GREB1: variants seen among roughly 807,000 people sequenced by gnomAD.
The protein encoded by GREB1 is growth regulating estrogen receptor binding 1.
GREB1 carries 106 observed loss-of-function variants against 200.7 expected under a neutral mutation model. The ratio of observed to expected loss-of-function variants is 0.53; its 90% CI spans 0.45 to 0.62. The LOEUF is 0.62. GREB1 is among the 20% of genes least tolerant of loss of function. GREB1 has a pLI of 0.00. For missense variants in GREB1, 2,243 were observed against 2,556.8 expected (o/e 0.88, Z 2.65); for synonymous variants, 1,132 against 1,092.4 (o/e 1.04, Z -0.72).
At position 11,637,817 on chromosome 2, in the gene GREB1, G is replaced by A. The variant is rs769618270; in HGVS notation, c.5448G>A (p.Lys1816=). Residue 1816 remains lysine (K), a synonymous_variant, in exon 31 of 33, where the codon AAG becomes AAA. Coordinates refer to ENST00000381486, the MANE Select transcript of GREB1 (RefSeq NM_014668.4). ...CGCCCGCCCAGCTCCTGCTGGAGAA[G>A]TTCCTGCAGCACCACAGCCACCTCT... The part of the protein sequence containing the change: ...LAAPAQLLLE[K]FLQHHSHLFF... 8.1e-6 allele frequency: 13 copies of A among 1,614,186 alleles called. No homozygotes were observed. The highest frequency in any genetic ancestry group is 1.6e-4 in the Middle Eastern group (1 of 6,062).
At position 11,618,806 on chromosome 2, in the gene GREB1, T is replaced by C. The variant is rs780900887; in HGVS notation, c.3931T>C (p.Tyr1311His). 1.9e-6 allele frequency: 3 copies of C among 1,609,098 alleles called. No individual in the cohort carries two copies. Among genetic ancestry groups the C allele is most frequent in the Non-Finnish European group, 2.5e-6 (3 of 1,179,750 alleles). ...CATGACATCCACCGAGCAGTCCCTCTACTACCGGCAGTGGACGGTGCCCCG... is the reference window on the plus strand; with the variant it reads ...CATGACATCCACCGAGCAGTCCCTCCACTACCGGCAGTGGACGGTGCCCCG... Reference protein sequence around the residue: ...KTMTSTEQSLYYRQWTVPRPS... With the variant: ...KTMTSTEQSLHYRQWTVPRPS... The change falls in exon 22 of 33, where the codon TAC becomes CAC. Residue 1311 changes from tyrosine to histidine, a missense_variant. Physicochemically the swap from Tyr to His is moderately conservative, Grantham distance 83. Around this residue, in one of 3 missense-constraint regions of GREB1, gnomAD observed 587 missense variants for 553.1 expected, o/e 1.06. Coordinates refer to ENST00000381486, the MANE Select transcript of GREB1 (RefSeq NM_014668.4).
chr2:11,596,774 AG>A (rs1262844391), intron 13 of GREB1, among the ~76,000 whole-genome samples: 114 of 20,910 alleles, frequency 5.5e-3, no homozygotes, highest in Non-Finnish European at 8.0e-3. Flanking sequence ...GTACACAGTG[AG>A]GGGGGTGGGG....
intron 30 of GREB1, among the ~76,000 whole-genome samples, 161 bp downstream of exon 30, chr2:11,635,566 G>A (rs1191662555): frequency 1.3e-5 from 2 of 152,218 alleles, no homozygotes; most frequent in African/African-American, 4.8e-5. Flanking sequence ...TCGGCATTGA[G>A]CCCTGGGAAA....
At chr2:11,636,584 G>A (rs962991305) in intron 30 of GREB1, among the ~76,000 whole-genome samples, 4 of 152,238 alleles carry the variant, frequency 2.6e-5, no homozygotes, top group Non-Finnish European at 5.9e-5. Context: ...TAGACACATG[G>A]CTAGTTAAGG....
At chr2:11,614,546 C>T (rs1001527276) in intron 19 of GREB1, among the ~76,000 whole-genome samples, 1 of 151,592 alleles carries the variant, frequency 6.6e-6, no homozygotes, top group Non-Finnish European at 1.5e-5. Flanking sequence ...TCAAGCCCCC[C>T]CTTTTTGTTG....
intron 1 of GREB1, among the ~76,000 whole-genome samples, chr2:11,541,923 A>G (rs886079496): frequency 1.4e-4 from 22 of 152,190 alleles, no homozygotes; most frequent in Non-Finnish European, 1.5e-5. Context: ...CTTTTCAGAC[A>G]GCAAACCTGT....
At chr2:11,636,761 A>AGGGCAG (rs143153422) in intron 30 of GREB1, among the ~76,000 whole-genome samples, 21 of 124,204 alleles carry the variant, frequency 1.7e-4, no homozygotes, top group Admixed American at 7.7e-4. Context: ...GGCAGGGGCA[A>AGGGCAG]GGGCAGGGGC....
At chr2:11,578,129 C>A (rs1054247757) in intron 5 of GREB1, among the ~76,000 whole-genome samples, 168 bp from the exon 6 acceptor site, 1 of 152,214 alleles carries the variant, frequency 6.6e-6, no homozygotes, top group Non-Finnish European at 1.5e-5. Flanking sequence ...TAGAGAGTCG[C>A]ACCCCTGCCC....
intron 1 of GREB1, among the ~76,000 whole-genome samples, chr2:11,500,166 T>G (rs1672991007): frequency 6.6e-6 from 1 of 151,654 alleles, no homozygotes; most frequent in African/African-American, 2.4e-5. Context: ...AAACTTTTAT[T>G]TATTTATTTA....
At position 11,615,093 on chromosome 2, in the gene GREB1, C is replaced by G. The variant is rs1464443588; in HGVS notation, c.3125C>G (p.Ser1042Cys). 1.2e-6 allele frequency: 2 copies of G among 1,612,600 alleles called. No homozygotes were observed. Among genetic ancestry groups the G allele is most frequent in the Non-Finnish European group, 1.7e-6 (2 of 1,178,708 alleles). The change falls in exon 20 of 33, where the codon TCT becomes TGT. Residue 1042 changes from serine to cysteine, a missense_variant and splice_region_variant. Physicochemically the swap from Ser to Cys is moderately radical, Grantham distance 112 (BLOSUM62 -1). Coordinates refer to ENST00000381486, the MANE Select transcript of GREB1 (RefSeq NM_014668.4). Reference sequence around the variant, plus strand: ...CACCTTCTTCTGTGTCTTGCTAGGTCTTTGAGGTACTGTGACCTGCGATTG... The same window carrying G: ...CACCTTCTTCTGTGTCTTGCTAGGTGTTTGAGGTACTGTGACCTGCGATTG... ...MDPHGESLPR[S>C]LRYCDLRLIN...
In GREB1 at chr2:11,585,913, C is replaced by T. The variant is rs1418308442; in HGVS notation, c.1159+8C>T. 1 of 1,611,748 alleles carries T rather than the reference C, an allele frequency of 6.2e-7. No individual in the cohort carries two copies. The highest frequency in any genetic ancestry group is 8.5e-7 in the Non-Finnish European group (1 of 1,179,704). The stretch of plus-strand genomic sequence containing the variant: ...AGCCAGTGATATTTAAAGGCAAGTA[C>T]AGCAGTGCACCGAGTCGTGGGGATG... On this transcript the variant is annotated splice_region_variant and intron_variant, in intron 9 of 32. Coordinates refer to ENST00000381486, the MANE Select transcript of GREB1 (RefSeq NM_014668.4).
chr2:11,615,269 G>C lies in GREB1; in HGVS notation c.3301G>C (p.Asp1101His), dbSNP rs759627001. Residue 1101 changes from aspartate to histidine, a missense_variant, in exon 20 of 33, where the codon GAT becomes CAT. Physicochemically the swap from Asp to His is moderately conservative, Grantham distance 81 (BLOSUM62 -1). Coordinates refer to ENST00000381486, the MANE Select transcript of GREB1 (RefSeq NM_014668.4). ...GAAGCTGAGCAGCACAGACAACGAG[G>C]ATGAGGAGCTGGGGACAGAAGGTGA... ...AEKLSSTDNE[D>H]EELGTEGSTS... The C allele has an allele frequency of 6.3e-7, 1 of 1,597,130 alleles. No homozygotes were observed. The highest frequency in any genetic ancestry group is 8.5e-7 in the Non-Finnish European group (1 of 1,171,112).
At chr2:11,525,850 C>A (rs1558501771) in intron 1 of GREB1, among the ~76,000 whole-genome samples, 1 of 152,202 alleles carries the variant, frequency 6.6e-6, no homozygotes, top group Non-Finnish European at 1.5e-5. Context: ...CCTGCCTGGA[C>A]TCTCAGCATC....
chr2:11,618,776 A>G lies in GREB1; in HGVS notation c.3901A>G (p.Lys1301Glu). ...WASSFRPLLS[K>E]TMTSTEQSLY... ...CAGCTCTTTCCGCCCCCTGCTCAGC[A>G]AGACCATGACATCCACCGAGCAGTC... The change falls in exon 22 of 33, where the codon AAG (lysine) becomes GAG (glutamate). Residue 1301 changes from lysine (K) to glutamate (E), a missense_variant. Transcript: ENST00000381486. 5.0e-6 allele frequency: 8 copies of G among 1,612,496 alleles called. No individual in the cohort carries two copies. Among genetic ancestry groups the G allele is most frequent in the Non-Finnish European group, 6.8e-6 (8 of 1,179,910 alleles).
chr2:11,633,521 G>A lies in GREB1; in HGVS notation c.4991+458G>A, dbSNP rs912087975. ...GGAGCTTGTAGTAAGTGGAGATGGC[G>A]CCACTGCACTCCAGCCTGGCAGACA... On this transcript the variant is annotated intron_variant, in intron 28 of 32. Coordinates refer to ENST00000381486, the MANE Select transcript of GREB1 (RefSeq NM_014668.4). This position sits in a 1 kb window ranked among gnomAD's most constrained non-coding sequence, Gnocchi z 4.1. 2.2e-4 allele frequency among the ~76,000 whole-genome samples: 33 copies of A among 150,172 alleles called. No individual in the cohort carries two copies. Among genetic ancestry groups the A allele is most frequent in the African/African-American group, 7.8e-4 (32 of 40,812 alleles).
intron 32 of GREB1, among the ~76,000 whole-genome samples, chr2:11,639,263 A>C (rs954543593): frequency 1.3e-5 from 2 of 151,930 alleles, no homozygotes; most frequent in African/African-American, 4.8e-5. Context: ...CTAATTTTTT[A>C]TTTTTAGTAG....
At chr2:11,605,385 C>A (rs935644451) in intron 17 of GREB1, among the ~76,000 whole-genome samples, 3 of 151,784 alleles carry the variant, frequency 2.0e-5, no homozygotes, top group African/African-American at 7.3e-5. Flanking sequence ...GCCACCACGG[C>A]CAGCTGATTT....
chr2:11,581,128 TG>T, intron 7 of GREB1: 1 of 603,092 alleles, frequency 1.7e-6, no homozygotes, highest in Non-Finnish European at 3.0e-6. Flanking sequence ...GGTAGAATTT[TG>T]GAGCAATAGT....
chr2:11,633,740 C>A lies in GREB1; in HGVS notation c.4992-391C>A, dbSNP rs1572214963. ...ATTAAGAAAGGGACATTGCTGCCCC[C>A]CCAGAAACTCCCTTCCTGCTGCCCC... On this transcript the variant is annotated intron_variant, in intron 28 of 32. Transcript: ENST00000381486. The surrounding 1 kb of genome is among the most constrained non-coding windows in gnomAD (Gnocchi z 4.1). Among the ~76,000 whole-genome samples the A allele has an allele frequency of 6.6e-6, 1 of 152,130 alleles. No homozygotes were observed. Among genetic ancestry groups the A allele is most frequent in the Non-Finnish European group, 1.5e-5 (1 of 68,022 alleles).
Sources: allele counts gnomAD v4.1 joint callset (sites outside exome capture counted in the v4.1 genomes callset), GRCh38; gene constraint gnomAD v4.1.1; regional missense constraint gnomAD v4.1.1; non-coding constraint Gnocchi (gnomAD v3.1); transcripts MANE v1.5; gene names NCBI Gene and HGNC (gene_info 2026-07-23, HGNC 2026-07-21).